Variants in CENPF observed in about 807,000 individuals in gnomAD.
The protein encoded by CENPF is centromere protein F.
CENPF carries 214 observed loss-of-function variants against 307.3 expected under a neutral mutation model. The ratio of observed to expected loss-of-function variants is 0.70; its 90% CI spans 0.62 to 0.78. CENPF has a LOEUF of 0.78. Ranked by LOEUF, CENPF falls within the 30% of genes least tolerant of loss-of-function variation. The pLI, the probability that CENPF is intolerant of heterozygous loss-of-function variation, is 0.00. For synonymous variants in CENPF, 1,259 were observed against 1,270.6 expected (o/e 0.99, Z 0.19); for missense variants, 3,401 against 3,483.9 (o/e 0.98, Z 0.60).
intron 16 of CENPF, 125 bp from the exon 17 acceptor site, chr1:214,655,116 T>G: frequency 7.0e-6 from 4 of 572,758 alleles, no homozygotes; most frequent in African/African-American, 1.9e-5. Flanking sequence ...CATCTTTAGA[T>G]GTTTTGTATT....
chr1:214,606,988 C>A (rs1657051888), intron 1 of CENPF, among the ~76,000 whole-genome samples: 1 of 152,242 alleles, frequency 6.6e-6, no homozygotes, highest in South Asian at 2.1e-4. Context: ...TCGGACTCCA[C>A]CAGCAGGGCT....
chr1:214,656,015 G>A (rs138843531), intron 17 of CENPF, among the ~76,000 whole-genome samples: 3 of 152,260 alleles, frequency 2.0e-5, no homozygotes, highest in Admixed American at 6.5e-5. Flanking sequence ...GTCCAGTTAC[G>A]TGGTTTCTTT....
chr1:214,621,219 G>A (rs541070494), intron 6 of CENPF, among the ~76,000 whole-genome samples: 48 of 152,312 alleles, frequency 3.2e-4, no homozygotes, highest in African/African-American at 1.0e-3. Context: ...CAGATGCAGG[G>A]CGAGTGGGTT....
intron 5 of CENPF, 72 bp from the exon 6 acceptor site, chr1:214,620,583 T>C: frequency 2.7e-6 from 4 of 1,460,522 alleles, no homozygotes; most frequent in Non-Finnish European, 3.7e-6. Flanking sequence ...TGGCTTTATA[T>C]TCTATCTGAA....
In CENPF at chr1:214,613,737, TAAAG is replaced by T. The variant is rs1477441202; in HGVS notation, c.-15_-12del. The T allele has an allele frequency of 1.9e-6, 3 of 1,572,644 alleles. No individual in the cohort carries two copies. The highest frequency in any genetic ancestry group is 8.6e-7 in the Non-Finnish European group (1 of 1,162,062). ...AGTTTATTTACAAATGTTGGAGTAA[TAAAG>T]AAGGCAGAACAAAATGAGCTGGGCT... On this transcript the variant is annotated 5_prime_UTR_variant, in exon 2 of 20. Coordinates refer to ENST00000366955, the MANE Select transcript of CENPF (RefSeq NM_016343.4).
chr1:214,630,091 T>C, intron 8 of CENPF, among the ~76,000 whole-genome samples: 1 of 152,230 alleles, frequency 6.6e-6, no homozygotes, highest in East Asian at 1.9e-4. Context: ...TTAAAGTTAA[T>C]GGGTAGCATA....
chr1:214,608,762 C>G (rs943014279), intron 1 of CENPF: 79 of 1,600,170 alleles, frequency 4.9e-5, no homozygotes, highest in Non-Finnish European at 6.5e-5. Context: ...GGCAGGAAGG[C>G]GAGCTTGGCA....
intron 13 of CENPF, chr1:214,648,366 C>A (rs1476609229): frequency 4.3e-6 from 2 of 469,010 alleles, no homozygotes; most frequent in Non-Finnish European, 8.0e-6. Context: ...TAATGATAAT[C>A]TTTGATGTTT....
At chr1:214,609,213 G>A (rs890241089) in intron 1 of CENPF, among the ~76,000 whole-genome samples, 13 of 152,178 alleles carry the variant, frequency 8.5e-5, no homozygotes, top group African/African-American at 3.1e-4. Context: ...CGAAGAATCC[G>A]CTTTGAATCT....
At position 214,618,637 on chromosome 1, in the gene CENPF, T is replaced by C. The variant is rs1657422746; in HGVS notation, c.424T>C (p.Cys142Arg). The change falls in exon 4 of 20, where the codon TGC (cysteine) becomes CGC (arginine). Residue 142 changes from cysteine (C) to arginine (R), a missense_variant. Transcript: ENST00000366955. ...GTCTGCAGATGTCTCTCTGAATCCA[T>C]GCAATACACCACAAAAAATTTTTAC... ...AQSADVSLNP[C>R]NTPQKIFTTP... 9 of 1,613,972 alleles carry C rather than the reference T, an allele frequency of 5.6e-6. No homozygotes were observed. Among genetic ancestry groups the C allele is most frequent in the Admixed American group, 1.7e-5 (1 of 59,998 alleles).
In CENPF at chr1:214,656,966, C is replaced by G; in HGVS notation, c.8519C>G (p.Thr2840Arg). ...TVMDTKVDEL[T>R]TEIKELKETL... ...ATGGATACCAAGGTCGATGAATTAACAACTGAGATCAAAGAACTGAAAGAA... is the reference window on the plus strand; with the variant it reads ...ATGGATACCAAGGTCGATGAATTAAGAACTGAGATCAAAGAACTGAAAGAA... The change falls in exon 18 of 20, where the codon ACA becomes AGA. Residue 2840 changes from threonine (T) to arginine (R), a missense_variant. Thr to Arg is a moderately conservative substitution (Grantham distance 71). Transcript: ENST00000366955. 1 of 1,611,512 alleles carries G rather than the reference C, an allele frequency of 6.2e-7. No homozygotes were observed. The highest frequency in any genetic ancestry group is 1.1e-5 in the South Asian group (1 of 90,902).
At chr1:214,649,288 G>A (rs778689275) in intron 14 of CENPF, among the ~76,000 whole-genome samples, 7 of 152,180 alleles carry the variant, frequency 4.6e-5, no homozygotes, top group Non-Finnish European at 8.8e-5. Context: ...TAGCACTTGG[G>A]CTGCCACTGC....
chr1:214,615,945 A>G (rs545315555), intron 3 of CENPF, among the ~76,000 whole-genome samples: 67 of 152,168 alleles, frequency 4.4e-4, no homozygotes, highest in Non-Finnish European at 8.8e-4. Flanking sequence ...CTTATCTAGT[A>G]GACTACAAAA....
At chr1:214,606,229 C>T (rs1208419438) in intron 1 of CENPF, 1 of 767,942 alleles carries the variant, frequency 1.3e-6, no homozygotes, top group Non-Finnish European at 2.0e-6. Context: ...CACACCAGTC[C>T]CGAGGGCCAC....
chr1:214,635,377 G>A (rs1412700430), intron 10 of CENPF, among the ~76,000 whole-genome samples: 1 of 152,184 alleles, frequency 6.6e-6, no homozygotes, highest in Non-Finnish European at 1.5e-5. Flanking sequence ...AGTTGATCTG[G>A]GTGGAATTGC....
At chr1:214,656,214 C>A (rs1016758123) in intron 17 of CENPF, among the ~76,000 whole-genome samples, 1 of 152,188 alleles carries the variant, frequency 6.6e-6, no homozygotes, top group Non-Finnish European at 1.5e-5. Context: ...ACTTATACCC[C>A]TGGAGTGGCA....
chr1:214,650,081 T>C (rs1229853290), intron 14 of CENPF, among the ~76,000 whole-genome samples: 1 of 152,044 alleles, frequency 6.6e-6, no homozygotes, highest in Non-Finnish European at 1.5e-5. Flanking sequence ...ATAATTGGGA[T>C]GTGGGGATAT....
intron 2 of CENPF, among the ~76,000 whole-genome samples, chr1:214,614,219 TC>T (rs984971958): frequency 5.3e-4 from 81 of 152,112 alleles, no homozygotes; most frequent in Middle Eastern, 3.4e-3. Context: ...CATTTCAACT[TC>T]CATGTGGGAC....
At chr1:214,605,635 G>A (rs1571688910) in intron 1 of CENPF, 2 of 1,511,854 alleles carry the variant, frequency 1.3e-6, no homozygotes, top group East Asian at 2.3e-5. Flanking sequence ...GAGGTCCGGG[G>A]GCTGCCTTAT....
Sources: gnomAD v4.1 joint callset for allele counts (sites outside exome capture counted in the v4.1 genomes callset) on GRCh38, gnomAD v4.1.1 for gene constraint, MANE v1.5 for transcripts, NCBI Gene and HGNC (gene_info 2026-07-23, HGNC 2026-07-21) for gene names.